The following GALNT13 variants were observed in gnomAD, a reference collection of about 807,000 sequenced individuals.
GALNT13 encodes the protein polypeptide N-acetylgalactosaminyltransferase 13.
Under a neutral mutation model 64.2 loss-of-function variants are expected in GALNT13, and 28 were observed. The observed-to-expected ratio is 0.44, with a 90% CI of 0.32 to 0.60. GALNT13 has a LOEUF of 0.60. Ranked by LOEUF, GALNT13 falls within the 20% of genes least tolerant of loss-of-function variation. The pLI is 0.05. For synonymous variants in GALNT13, 214 were observed against 224.6 expected, an observed-to-expected ratio of 0.95 and a Z score of 0.42; for missense variants, 577 against 669.8, an observed-to-expected ratio of 0.86 and a Z score of 1.53.
At chr2:153,302,495 T>C in the GALNT13 span, among the ~76,000 whole-genome samples, 2 of 152,168 alleles carry the variant, frequency 1.3e-5, no homozygotes, top group African/African-American at 2.4e-5. Flanking sequence ...TTTGCAAATA[T>C]TATTTTCACA....
chr2:154,399,498 G>A (rs981379434), intron 10 of GALNT13, among the ~76,000 whole-genome samples: 1 of 151,976 alleles, frequency 6.6e-6, no homozygotes, highest in African/African-American at 2.4e-5. Flanking sequence ...TGGACAAAGG[G>A]GCAGGACAGC....
chr2:153,817,839 A>G, the GALNT13 span, among the ~76,000 whole-genome samples: 4 of 152,228 alleles, frequency 2.6e-5, no homozygotes, highest in African/African-American at 9.6e-5. Flanking sequence ...ACTGATTAAT[A>G]AGGAAAACAT....
the GALNT13 span, among the ~76,000 whole-genome samples, chr2:153,495,611 G>A: frequency 6.6e-6 from 1 of 152,252 alleles, no homozygotes; most frequent in East Asian, 1.9e-4. Context: ...ACAACATATT[G>A]GATGAATCTC....
At chr2:153,116,050 G>A in the GALNT13 span, among the ~76,000 whole-genome samples, 74,204 of 151,890 alleles carry the variant, frequency 0.49, 19,359 homozygotes, top group South Asian at 0.64. Context: ...TTAAAAGTGT[G>A]GTTTTAGGGG....
Position 153,911,684 on chromosome 2 carries a change from A to T in GALNT13, c.-105+10677A>T, listed in dbSNP as rs542888161. On this transcript the variant is annotated intron_variant, in intron 2 of 12. Transcript: ENST00000392825. ...CTTATGAAGCTTAGTTTGTTTGTAT[A>T]TGAAATTCTTGGTCAGAATTTATCT... Among the ~76,000 whole-genome samples, 5 of 152,250 alleles carry T rather than the reference A, an allele frequency of 3.3e-5. 1 individual carries two copies. In the South Asian group the frequency reaches 1.0e-3, roughly 32 times the overall value.
At chr2:154,315,853 A>G (rs1694290768) in intron 9 of GALNT13, among the ~76,000 whole-genome samples, 1 of 152,180 alleles carries the variant, frequency 6.6e-6, no homozygotes, top group Admixed American at 6.6e-5. Context: ...CACTGATAAA[A>G]TGTATCAAAC....
At chr2:154,025,775 A>G (rs192500591) in intron 3 of GALNT13, among the ~76,000 whole-genome samples, 2 of 152,344 alleles carry the variant, frequency 1.3e-5, no homozygotes, top group African/African-American at 4.8e-5. Context: ...GAGAAAGACT[A>G]GTAAGCAATA....
the GALNT13 span, among the ~76,000 whole-genome samples, chr2:153,700,384 C>A: frequency 2.0e-5 from 3 of 152,196 alleles, no homozygotes; most frequent in Non-Finnish European, 2.9e-5. Flanking sequence ...CAGCCAATAT[C>A]ATACTGATTG....
chr2:153,841,707 T>C, the GALNT13 span, among the ~76,000 whole-genome samples: 2 of 152,172 alleles, frequency 1.3e-5, no homozygotes, highest in Non-Finnish European at 2.9e-5. Flanking sequence ...GTGCCTATGT[T>C]TTGAGAAAAT....
intron 1 of GALNT13, among the ~76,000 whole-genome samples, chr2:153,897,074 A>T (rs1174637592): frequency 6.6e-6 from 1 of 152,116 alleles, no homozygotes; most frequent in East Asian, 1.9e-4. Flanking sequence ...TTTTTCCTGA[A>T]TCATTTGAGA....
chr2:153,598,818 A>G, the GALNT13 span, among the ~76,000 whole-genome samples: 1 of 152,086 alleles, frequency 6.6e-6, no homozygotes. Flanking sequence ...AAGGGCAGAA[A>G]GAGGGTTTTA....
the GALNT13 span, among the ~76,000 whole-genome samples, chr2:153,254,499 G>C: frequency 1.3e-5 from 2 of 151,894 alleles, no homozygotes; most frequent in African/African-American, 4.8e-5. Context: ...GTTATTTCTT[G>C]CCTTCTGCTA....
chr2:153,536,461 A>AT, the GALNT13 span, among the ~76,000 whole-genome samples: 63 of 148,702 alleles, frequency 4.2e-4, 1 homozygote, highest in South Asian at 7.5e-3. Flanking sequence ...AGTGATTTTG[A>AT]GTTTTTTTTT....
chr2:154,208,689 C>G (rs904003393), intron 4 of GALNT13, among the ~76,000 whole-genome samples: 3 of 143,064 alleles, frequency 2.1e-5, no homozygotes, highest in African/African-American at 7.7e-5. Context: ...AACTTTTATG[C>G]CTAGAACAGT....
chr2:153,351,380 C>G, the GALNT13 span, among the ~76,000 whole-genome samples: 88 of 152,094 alleles, frequency 5.8e-4, 1 homozygote, highest in African/African-American at 2.1e-3. Flanking sequence ...ATACCCCCTG[C>G]CCTAGAACAT....
At chr2:154,037,758 A>T (rs1955087) in intron 3 of GALNT13, among the ~76,000 whole-genome samples, 116,538 of 152,154 alleles carry the variant, frequency 0.77, 45,023 homozygotes, top group East Asian at 0.96. Context: ...TTTTTTATAA[A>T]AGCCACAGCA....
Position 153,933,448 on chromosome 2 carries a change from A to G in GALNT13, c.-104-10946A>G, listed in dbSNP as rs558505099. On this transcript the variant is annotated intron_variant, in intron 2 of 12. Transcript: ENST00000392825. ...TTGTCCATACCTTTACTTTGAGCCT[A>G]TGGGTATCATTGCATGTGAGATGGT... 8.5e-5 allele frequency among the ~76,000 whole-genome samples: 13 copies of G among 152,226 alleles called. No individual in the cohort carries two copies. The South Asian group carries it at 2.1e-3, about 24-fold the overall frequency.
the GALNT13 span, among the ~76,000 whole-genome samples, chr2:153,291,705 T>G: frequency 6.6e-6 from 1 of 151,480 alleles, no homozygotes; most frequent in South Asian, 2.1e-4. Flanking sequence ...TGTTGCATAA[T>G]TTTTAGATAT....
At chr2:153,434,818 A>C in the GALNT13 span, among the ~76,000 whole-genome samples, 9 of 152,164 alleles carry the variant, frequency 5.9e-5, no homozygotes, top group South Asian at 2.1e-4. Context: ...TGCTGTGCAG[A>C]AGCTCTTTAG....
Sources: allele counts gnomAD v4.1 joint callset (sites outside exome capture counted in the v4.1 genomes callset), GRCh38; gene constraint gnomAD v4.1.1; transcripts MANE v1.5; gene names NCBI Gene and HGNC (gene_info 2026-07-23, HGNC 2026-07-21).